Variants in ATXN10 observed in about 807,000 individuals in gnomAD.
ATXN10 encodes the protein ataxin 10, also known as ataxin-10.
A neutral mutation model predicts 52.9 loss-of-function variants in ATXN10; 28 were observed. That is an observed-to-expected ratio of 0.53 (90% CI 0.39 to 0.73). ATXN10 has a LOEUF of 0.73. Ranked by LOEUF, ATXN10 falls within the 30% of genes least tolerant of loss-of-function variation. The pLI, the probability that ATXN10 is intolerant of heterozygous loss-of-function variation, is 0.00. For synonymous variants in ATXN10, 226 were observed against 221.5 expected, an observed-to-expected ratio of 1.02 and a Z score of -0.18; for missense variants, 565 against 577.0, an observed-to-expected ratio of 0.98 and a Z score of 0.21.
At chr22:45,716,251 G>C (rs1161884143) in intron 5 of ATXN10, among the ~76,000 whole-genome samples, 1 of 151,942 alleles carries the variant, frequency 6.6e-6, no homozygotes, top group Non-Finnish European at 1.5e-5. Context: ...GTGACAGAGC[G>C]AGACCCCATG....
chr22:45,732,804 C>T lies in ATXN10; in HGVS notation c.894+3214C>T, dbSNP rs998394003. Among the ~76,000 whole-genome samples, 1 of 152,146 alleles carries T rather than the reference C, an allele frequency of 6.6e-6. No individual in the cohort carries two copies. Among genetic ancestry groups the T allele is most frequent in the African/African-American group, 2.4e-5 (1 of 41,432 alleles). ...AATCAGGGTTTTCCACCTGCCTCTT[C>T]CACCCCAGCCATTCTTCTGCCAAAC... On this transcript the variant is annotated intron_variant, in intron 7 of 11. Coordinates refer to ENST00000252934, the MANE Select transcript of ATXN10 (RefSeq NM_013236.4). The surrounding 1 kb of genome is among the most constrained non-coding windows in gnomAD (Gnocchi z 4.5).
At position 45,825,107 on chromosome 22, in the gene ATXN10, G is replaced by A. The variant is rs145451412; in HGVS notation, c.1238-17884G>A. Among the ~76,000 whole-genome samples the A allele has an allele frequency of 5.5e-3, 831 of 152,314 alleles. 10 individuals carry two copies. Among genetic ancestry groups the A allele is most frequent in the African/African-American group, 0.019 (798 of 41,572 alleles). ...TCCTAGAGCATCTTGCAAGCAGCTTGTGGGAGCCAGGTAGGGTGGGCCAAA... is the reference window on the plus strand; with the variant it reads ...TCCTAGAGCATCTTGCAAGCAGCTTATGGGAGCCAGGTAGGGTGGGCCAAA... On this transcript the variant is annotated intron_variant, in intron 10 of 11. Coordinates refer to ENST00000252934, the MANE Select transcript of ATXN10 (RefSeq NM_013236.4). This position sits in a 1 kb window ranked among gnomAD's most constrained non-coding sequence, Gnocchi z 4.5.
intron 9 of ATXN10, among the ~76,000 whole-genome samples, chr22:45,764,985 A>G (rs1257887833): frequency 1.3e-5 from 2 of 152,238 alleles, no homozygotes; most frequent in Non-Finnish European, 2.9e-5. Context: ...CATTGTCACC[A>G]GTAATCTTAT....
rs747787715 is a variant in ATXN10, at chr22:45,795,415, A to ATTCTATTCTATTCTATTCTATTGTT, written c.1174-11535_1174-11534insATTCTATTCTATTGTTTTCTATTCT. ...ATTCTATTCTATTCTATTCTATTCTATTCTATTCTTTTTGAGATGAAGTCT... is the reference window on the plus strand; with the variant it reads ...ATTCTATTCTATTCTATTCTATTCTATTCTATTCTATTCTATTCTATTGTTTTCTATTCTTTTTGAGATGAAGTCT... On this transcript the variant is annotated intron_variant, in intron 9 of 11. Coordinates refer to ENST00000252934, the MANE Select transcript of ATXN10 (RefSeq NM_013236.4). The surrounding 1 kb of genome is among the most constrained non-coding windows in gnomAD (Gnocchi z 4.6). Among the ~76,000 whole-genome samples the ATTCTATTCTATTCTATTCTATTGTT allele has an allele frequency of 4.3e-3, 577 of 134,192 alleles. 3 individuals are homozygous for ATTCTATTCTATTCTATTCTATTGTT. The highest frequency in any genetic ancestry group is 7.4e-3 in the South Asian group (31 of 4,162). The allele number at this position is 134,192 out of a possible 152,430, so 88.0% of individuals were successfully genotyped here.
rs572929691 is a variant in ATXN10 at position 45,766,415 on chromosome 22, G to A, written c.1173+25877G>A. On this transcript the variant is annotated intron_variant, in intron 9 of 11. Coordinates refer to ENST00000252934, the MANE Select transcript of ATXN10 (RefSeq NM_013236.4). The surrounding 1 kb of genome is among the most constrained non-coding windows in gnomAD (Gnocchi z 4.6). Reference sequence around the variant, plus strand: ...ACAGTTTCATCCTGAAGTCTTCCCCGCAACCCCTCTTCCCCCGAGTCTGTG... The same window carrying A: ...ACAGTTTCATCCTGAAGTCTTCCCCACAACCCCTCTTCCCCCGAGTCTGTG... Among the ~76,000 whole-genome samples, 11 of 152,246 alleles carry A rather than the reference G, an allele frequency of 7.2e-5. No homozygotes were observed. Among genetic ancestry groups the A allele is most frequent in the African/African-American group, 1.7e-4 (7 of 41,552 alleles).
At chr22:45,675,836 T>A (rs1309142818) in intron 1 of ATXN10, 2 of 152,252 alleles carry the variant, frequency 1.3e-5, no homozygotes, top group African/African-American at 2.4e-5. Context: ...ACCCACTTCT[T>A]AAACAGTGTC....
intron 9 of ATXN10, among the ~76,000 whole-genome samples, chr22:45,749,901 A>G (rs1049601867): frequency 2.6e-5 from 4 of 152,058 alleles, no homozygotes; most frequent in Non-Finnish European, 5.9e-5. Context: ...GTTGAGGGCT[A>G]CATTTCAGGC....
chr22:45,806,956 T>A lies in ATXN10; in HGVS notation c.1174-3T>A. On this transcript the variant is annotated splice_polypyrimidine_tract_variant and splice_region_variant and intron_variant, in intron 9 of 11. Transcript: ENST00000252934. ...TGTATAAACTTATCTTCTTTCTCTCTAGGTAAATGAGCTGGATGGTATCCC... is the reference window on the plus strand; with the variant it reads ...TGTATAAACTTATCTTCTTTCTCTCAAGGTAAATGAGCTGGATGGTATCCC... 6.2e-7 allele frequency: 1 copy of A among 1,612,144 alleles called. No individual in the cohort carries two copies. The highest frequency in any genetic ancestry group is 2.2e-5 in the East Asian group (1 of 44,874).
chr22:45,833,242 C>A lies in ATXN10; in HGVS notation c.1238-9749C>A, dbSNP rs1328792815. 3.3e-5 allele frequency among the ~76,000 whole-genome samples: 5 copies of A among 152,194 alleles called. No individual in the cohort carries two copies. The highest frequency in any genetic ancestry group is 1.2e-4 in the African/African-American group (5 of 41,452). On this transcript the variant is annotated intron_variant, in intron 10 of 11. Transcript: ENST00000252934. This position sits in a 1 kb window ranked among gnomAD's most constrained non-coding sequence, Gnocchi z 4.3. ...CTGTTCACCCTGCAAGCCCTCCCCACCCTTGACCACCGACTTCCTGGGAGC... is the reference window on the plus strand; with the variant it reads ...CTGTTCACCCTGCAAGCCCTCCCCAACCTTGACCACCGACTTCCTGGGAGC...
chr22:45,813,323 A>G (rs1053765299), intron 10 of ATXN10, among the ~76,000 whole-genome samples: 5 of 140,612 alleles, frequency 3.6e-5, no homozygotes, highest in African/African-American at 8.1e-5. Flanking sequence ...GTTGTCCTTG[A>G]TGTGGGTTTG....
At position 45,759,458 on chromosome 22, in the gene ATXN10, G is replaced by A. The variant is rs2146827204; in HGVS notation, c.1173+18920G>A. 6.6e-6 allele frequency among the ~76,000 whole-genome samples: 1 copy of A among 152,338 alleles called. No homozygotes were observed. Among genetic ancestry groups the A allele is most frequent in the African/African-American group, 2.4e-5 (1 of 41,582 alleles). ...ACTCGGGAGGCAGAGGTTGCAGTGA[G>A]CCGAGATAGCATCACTGCACTCCAG... On this transcript the variant is annotated intron_variant, in intron 9 of 11. Transcript: ENST00000252934. The surrounding 1 kb of genome is among the most constrained non-coding windows in gnomAD (Gnocchi z 5.4).
chr22:45,832,958 G>A (rs1295343345), intron 10 of ATXN10, among the ~76,000 whole-genome samples: 1 of 152,160 alleles, frequency 6.6e-6, no homozygotes, highest in African/African-American at 2.4e-5. Flanking sequence ...AGTGAATGTT[G>A]GAGTTATTTA....
At chr22:45,752,987 G>C (rs1011236758) in intron 9 of ATXN10, among the ~76,000 whole-genome samples, 3 of 152,208 alleles carry the variant, frequency 2.0e-5, no homozygotes, top group African/African-American at 7.2e-5. Flanking sequence ...GCCCACCTCG[G>C]CCTCCCAAAG....
chr22:45,695,154 C>G (rs927404847), intron 3 of ATXN10, among the ~76,000 whole-genome samples: 12 of 150,826 alleles, frequency 8.0e-5, no homozygotes, highest in African/African-American at 2.9e-4. Context: ...GAAACCCCGT[C>G]TCTAGTAAAA....
Position 45,766,079 on chromosome 22 carries a change from T to C in ATXN10, c.1173+25541T>C, listed in dbSNP as rs1051467120. Among the ~76,000 whole-genome samples the C allele has an allele frequency of 1.3e-5, 2 of 152,190 alleles. No individual in the cohort carries two copies. Among genetic ancestry groups the C allele is most frequent in the Non-Finnish European group, 2.9e-5 (2 of 68,024 alleles). On this transcript the variant is annotated intron_variant, in intron 9 of 11. Coordinates refer to ENST00000252934, the MANE Select transcript of ATXN10 (RefSeq NM_013236.4). The surrounding 1 kb of genome is among the most constrained non-coding windows in gnomAD (Gnocchi z 4.6). Reference sequence around the variant, plus strand: ...ATGCAGAAATAGATTCAAATGTTTTTGGAAATGTAGTGTATGATAAAGCTG... The same window carrying C: ...ATGCAGAAATAGATTCAAATGTTTTCGGAAATGTAGTGTATGATAAAGCTG...
Position 45,678,574 on chromosome 22 carries a change from A to C in ATXN10, c.116+6395A>C, listed in dbSNP as rs1228744092. ...TAGCCTTTTATGTATCTTTTTCCCT[A>C]CTCAGTAGTGCCTTTCTTGAAGGGA... On this transcript the variant is annotated intron_variant, in intron 1 of 11. Coordinates refer to ENST00000252934, the MANE Select transcript of ATXN10 (RefSeq NM_013236.4). This position sits in a 1 kb window ranked among gnomAD's most constrained non-coding sequence, Gnocchi z 4.1. 6.6e-6 allele frequency: 1 copy of C among 152,010 alleles called. No homozygotes were observed. The highest frequency in any genetic ancestry group is 1.5e-5 in the Non-Finnish European group (1 of 68,012). 9.4% of individuals were successfully genotyped at this position (152,010 alleles called of 1,614,324 possible).
intron 10 of ATXN10, among the ~76,000 whole-genome samples, chr22:45,821,627 A>G (rs1928653462): frequency 6.6e-6 from 1 of 152,100 alleles, no homozygotes; most frequent in South Asian, 2.1e-4. Context: ...TTAGTACCTC[A>G]TGGTGTCTTA....
intron 9 of ATXN10, among the ~76,000 whole-genome samples, chr22:45,773,440 G>A (rs1250614738): frequency 6.8e-6 from 1 of 146,072 alleles, no homozygotes; most frequent in African/African-American, 2.6e-5. Context: ...TTTACTGAAT[G>A]AAGAATTATT....
At position 45,728,309 on chromosome 22, in the gene ATXN10, T is replaced by A. The variant is rs1205816100; in HGVS notation, c.729-1116T>A. Among the ~76,000 whole-genome samples, 4 of 152,202 alleles carry A rather than the reference T, an allele frequency of 2.6e-5. No homozygotes were observed. The highest frequency in any genetic ancestry group is 9.6e-5 in the African/African-American group (4 of 41,456). On this transcript the variant is annotated intron_variant, in intron 6 of 11. Transcript: ENST00000252934. The surrounding 1 kb of genome is among the most constrained non-coding windows in gnomAD (Gnocchi z 4.3). ...TATATAAATAAGGGAAAACAGAAATTCTCTAATACTGTGCTCAACTGAGTG... is the reference window on the plus strand; with the variant it reads ...TATATAAATAAGGGAAAACAGAAATACTCTAATACTGTGCTCAACTGAGTG...
Sources: gnomAD v4.1 joint callset for allele counts (sites outside exome capture counted in the v4.1 genomes callset) on GRCh38, gnomAD v4.1.1 for gene constraint, Gnocchi (gnomAD v3.1) non-coding constraint, MANE v1.5 for transcripts, NCBI Gene and HGNC (gene_info 2026-07-23, HGNC 2026-07-21) for gene names.